Variants in PTPRD observed in about 807,000 individuals in gnomAD.
The protein encoded by PTPRD is receptor-type tyrosine-protein phosphatase delta.
In PTPRD, 34 loss-of-function variants were observed where a neutral mutation model predicts 214.5. The ratio of observed to expected loss-of-function variants is 0.16; its 90% CI spans 0.12 to 0.21. PTPRD has a LOEUF of 0.21. Ranked by LOEUF, PTPRD falls within the 10% of genes least tolerant of loss-of-function variation. The pLI, the probability that PTPRD is intolerant of heterozygous loss-of-function variation, is 1.00. For synonymous variants in PTPRD, 1,128 were observed against 845.7 expected (o/e 1.33, Z -5.79); for missense variants, 2,545 against 2,398.7 (o/e 1.06, Z -1.27).
At chr9:9,221,685 G>C (rs989251431) in intron 9 of PTPRD, among the ~76,000 whole-genome samples, 1 of 151,860 alleles carries the variant, frequency 6.6e-6, no homozygotes, top group Non-Finnish European at 1.5e-5. Context: ...CTCCTCAAAG[G>C]CCCTATCTCC....
intron 5 of PTPRD, among the ~76,000 whole-genome samples, chr9:9,839,253 A>G (rs1402829560): frequency 3.9e-5 from 6 of 152,264 alleles, no homozygotes; most frequent in Admixed American, 3.3e-4. Context: ...GAAAAGAGGA[A>G]GTCAAATTGT....
At chr9:8,382,748 A>C (rs940567580) in intron 37 of PTPRD, among the ~76,000 whole-genome samples, 1 of 152,220 alleles carries the variant, frequency 6.6e-6, no homozygotes, top group Non-Finnish European at 1.5e-5. Context: ...CCACTTTCAA[A>C]AACAATCCCA....
intron 9 of PTPRD, among the ~76,000 whole-genome samples, chr9:9,326,569 AAAAG>A (rs996210994): frequency 3.9e-5 from 6 of 152,094 alleles, no homozygotes; most frequent in East Asian, 3.9e-4. Flanking sequence ...TGAAAATAAA[AAAAG>A]AAAAATGAAA....
chr9:10,125,767 C>A (rs2098814674), intron 3 of PTPRD, among the ~76,000 whole-genome samples: 1 of 151,872 alleles, frequency 6.6e-6, no homozygotes, highest in African/African-American at 2.4e-5. Flanking sequence ...TAGGCGTGAG[C>A]CACCGCACCC....
intron 9 of PTPRD, among the ~76,000 whole-genome samples, chr9:9,244,574 G>C (rs1324997503): frequency 6.6e-6 from 1 of 152,158 alleles, no homozygotes; most frequent in East Asian, 1.9e-4. Context: ...TGGGAAAACT[G>C]GCTAGCCATA....
chr9:10,352,257 T>A (rs542510459), intron 2 of PTPRD, among the ~76,000 whole-genome samples: 87 of 152,172 alleles, frequency 5.7e-4, no homozygotes, highest in Non-Finnish European at 1.1e-3. Flanking sequence ...TTAATATCAA[T>A]GGATTATTTT....
At chr9:9,092,213 T>C (rs1284509964) in intron 10 of PTPRD, among the ~76,000 whole-genome samples, 2 of 152,176 alleles carry the variant, frequency 1.3e-5, no homozygotes, top group African/African-American at 2.4e-5. Context: ...ATATTGTCTA[T>C]TATAGGGCAA....
At chr9:9,972,572 C>A (rs2095167525) in intron 4 of PTPRD, among the ~76,000 whole-genome samples, 1 of 152,176 alleles carries the variant, frequency 6.6e-6, no homozygotes, top group Non-Finnish European at 1.5e-5. Flanking sequence ...ACATTATATA[C>A]ACATTACAAA....
chr9:8,762,753 A>G (rs927956411), intron 11 of PTPRD, among the ~76,000 whole-genome samples: 3 of 152,166 alleles, frequency 2.0e-5, no homozygotes, highest in African/African-American at 7.2e-5. Flanking sequence ...CCATAGGAAA[A>G]ACGTCTCTCT....
intron 11 of PTPRD, among the ~76,000 whole-genome samples, chr9:8,748,522 C>CAAAAAAAAAAAAAAAAAAAAAAAAAA: frequency 2.6e-5 from 1 of 37,860 alleles, no homozygotes; most frequent in Non-Finnish European, 6.1e-5. Flanking sequence ...CCTGCAACTG[C>CAAAAAAAAAAAAAAAAAAAAAAAAAA]AAAAAAAAAA....
chr9:10,085,940 G>A (rs1448022409), intron 3 of PTPRD, among the ~76,000 whole-genome samples: 1 of 151,754 alleles, frequency 6.6e-6, no homozygotes, highest in Non-Finnish European at 1.5e-5. Context: ...AATATGATAT[G>A]AGGCTAAATA....
At chr9:9,370,286 C>A (rs868766966) in intron 9 of PTPRD, among the ~76,000 whole-genome samples, 1 of 151,736 alleles carries the variant, frequency 6.6e-6, no homozygotes, top group Non-Finnish European at 1.5e-5. Context: ...TTTTATTTCC[C>A]TGAGCAGTGG....
At chr9:9,109,799 G>T (rs1196433522) in intron 10 of PTPRD, among the ~76,000 whole-genome samples, 3 of 152,044 alleles carry the variant, frequency 2.0e-5, no homozygotes, top group Admixed American at 6.6e-5. Context: ...TTTTGATTCT[G>T]CCTAGATATG....
chr9:10,515,116 A>G (rs941727172), intron 2 of PTPRD, among the ~76,000 whole-genome samples: 4 of 151,990 alleles, frequency 2.6e-5, no homozygotes, highest in African/African-American at 9.7e-5. Flanking sequence ...CTCAATCTGT[A>G]TCTAATTTAT....
chr9:10,480,817 GA>G (rs938177782), intron 2 of PTPRD, among the ~76,000 whole-genome samples: 28 of 150,598 alleles, frequency 1.9e-4, no homozygotes, highest in Non-Finnish European at 3.6e-4. Flanking sequence ...ACAAAATTGA[GA>G]AAAAAAAACT....
intron 9 of PTPRD, among the ~76,000 whole-genome samples, chr9:9,226,421 G>A (rs542015149): frequency 2.6e-5 from 4 of 152,000 alleles, no homozygotes; most frequent in South Asian, 4.2e-4. Context: ...TTTCCTTACT[G>A]TTATTATTAT....
intron 3 of PTPRD, among the ~76,000 whole-genome samples, chr9:10,114,335 C>T (rs754061511): frequency 1.3e-5 from 2 of 152,128 alleles, no homozygotes; most frequent in African/African-American, 2.4e-5. Context: ...GAACCACTTT[C>T]GGCCAAAGCA....
chr9:9,005,609 T>A (rs1288060464), intron 11 of PTPRD, among the ~76,000 whole-genome samples: 1 of 152,020 alleles, frequency 6.6e-6, no homozygotes, highest in African/African-American at 2.4e-5. Flanking sequence ...AACCTAAGTA[T>A]AAGAAGACTA....
At chr9:10,550,523 A>AC (rs2061089038) in intron 2 of PTPRD, among the ~76,000 whole-genome samples, 1 of 152,030 alleles carries the variant, frequency 6.6e-6, no homozygotes, top group Non-Finnish European at 1.5e-5. Flanking sequence ...CTTTTTGGAG[A>AC]CCCTCTGAGG....
Sources: gnomAD v4.1 joint callset for allele counts (sites outside exome capture counted in the v4.1 genomes callset) on GRCh38, gnomAD v4.1.1 for gene constraint, MANE v1.5 for transcripts, NCBI Gene and HGNC (gene_info 2026-07-23, HGNC 2026-07-21) for gene names.